Variants in SNX29 observed in about 807,000 individuals in gnomAD.
SNX29 encodes the protein sorting nexin-29.
Under a neutral mutation model 102.1 loss-of-function variants are expected in SNX29, and 78 were observed. The ratio of observed to expected loss-of-function variants is 0.76; its 90% CI spans 0.64 to 0.92. The LOEUF (loss-of-function observed/expected upper bound fraction) is 0.92, where lower values mean the gene tolerates loss of function less well. Among genes scored for constraint, SNX29 ranks in the 40% least tolerant of loss-of-function variants. The pLI, the probability that SNX29 is intolerant of heterozygous loss-of-function variation, is 0.00. For synonymous variants in SNX29, 580 were observed against 414.5 expected (o/e 1.40, Z -4.85); for missense variants, 1,280 against 1,061.7 (o/e 1.21, Z -2.86).
chr16:12,064,209 C>T (rs1023049340), intron 9 of SNX29, among the ~76,000 whole-genome samples: 3 of 152,032 alleles, frequency 2.0e-5, no homozygotes, highest in African/African-American at 7.2e-5. Context: ...ATCAGACATC[C>T]GGGTCAGCTC....
chr16:12,225,794 CAT>C (rs1263720206), intron 14 of SNX29, among the ~76,000 whole-genome samples: 1 of 151,106 alleles, frequency 6.6e-6, no homozygotes, highest in East Asian at 1.9e-4. Flanking sequence ...TGTTCTTCCT[CAT>C]GTGTTAAAAA....
At chr16:11,983,235 A>ATTTTTTTTTTT (rs557542669) in intron 1 of SNX29, among the ~76,000 whole-genome samples, 2 of 129,622 alleles carry the variant, frequency 1.5e-5, no homozygotes, top group African/African-American at 6.0e-5. Flanking sequence ...CTGGGTTACA[A>ATTTTTTTTTTT]TTTTTTTTTT....
intron 20 of SNX29, among the ~76,000 whole-genome samples, chr16:12,525,455 C>T (rs2076753622): frequency 1.3e-5 from 2 of 151,984 alleles, no homozygotes; most frequent in Non-Finnish European, 2.9e-5. Flanking sequence ...GGTGGATCAC[C>T]TGAGGTCGGG....
In SNX29 at chr16:12,556,913, C is replaced by T. The variant is rs563825775; in HGVS notation, c.2319-11593C>T. 5.5e-5 allele frequency among the ~76,000 whole-genome samples: 8 copies of T among 145,366 alleles called. No individual in the cohort carries two copies. The South Asian group carries it at 1.8e-3, about 33-fold the overall frequency. ...TGTCTCCTCACCTTGAGTGTAGTGG[C>T]ATGATCTCGGCTCACTACAGCCTCT... On this transcript the variant is annotated intron_variant, in intron 20 of 20. Transcript: ENST00000566228.
At chr16:12,478,829 T>C (rs776215251) in intron 19 of SNX29, among the ~76,000 whole-genome samples, 2 of 152,132 alleles carry the variant, frequency 1.3e-5, no homozygotes, top group Non-Finnish European at 2.9e-5. Flanking sequence ...GGCCTGGGCA[T>C]GGAGGGGATG....
At chr16:12,426,917 C>T (rs560671235) in intron 18 of SNX29, among the ~76,000 whole-genome samples, 76 of 152,244 alleles carry the variant, frequency 5.0e-4, no homozygotes, top group African/African-American at 1.6e-3. Context: ...CCACCTGCCT[C>T]GGCCTCCCAA....
intron 13 of SNX29, among the ~76,000 whole-genome samples, chr16:12,147,409 C>T (rs747001938): frequency 1.3e-5 from 2 of 152,170 alleles, no homozygotes; most frequent in African/African-American, 4.8e-5. Flanking sequence ...AATTATTCAC[C>T]GGGGAGGGAA....
chr16:12,399,618 G>T (rs2151496609), intron 17 of SNX29, among the ~76,000 whole-genome samples: 1 of 152,302 alleles, frequency 6.6e-6, no homozygotes, highest in Non-Finnish European at 1.5e-5. Context: ...TTCCTAATTT[G>T]TGAGGCGAAG....
At chr16:12,553,123 C>G (rs778537731) in intron 20 of SNX29, among the ~76,000 whole-genome samples, 1 of 151,248 alleles carries the variant, frequency 6.6e-6, no homozygotes, top group Non-Finnish European at 1.5e-5. Context: ...CTGGGAGGGC[C>G]TTGGGCTTCT....
intron 16 of SNX29, 31 bp downstream of exon 16, chr16:12,356,310 C>T: frequency 6.5e-7 from 1 of 1,544,022 alleles, no homozygotes; most frequent in Non-Finnish European, 8.8e-7. Context: ...GTGTGTCTGT[C>T]AAGCCTCTGC....
intron 20 of SNX29, among the ~76,000 whole-genome samples, chr16:12,544,466 A>G (rs773520953): frequency 5.9e-5 from 9 of 152,126 alleles, no homozygotes; most frequent in Non-Finnish European, 1.2e-4. Flanking sequence ...CATTCTGAAG[A>G]GGCCGATTTT....
intron 15 of SNX29, among the ~76,000 whole-genome samples, chr16:12,315,170 C>G (rs1252059763): frequency 6.6e-6 from 1 of 152,156 alleles, no homozygotes; most frequent in Non-Finnish European, 1.5e-5. Context: ...GACTGTGAAG[C>G]AGAAGAAGAG....
intron 19 of SNX29, among the ~76,000 whole-genome samples, chr16:12,484,704 C>G (rs189505141): frequency 1.4e-4 from 21 of 152,302 alleles, no homozygotes; most frequent in Non-Finnish European, 2.1e-4. Context: ...CCTACATGGA[C>G]GGCTCCTCCC....
At position 12,297,606 on chromosome 16, in the gene SNX29, A is replaced by C. The variant is rs566935525; in HGVS notation, c.1782+19570A>C. Among the ~76,000 whole-genome samples the C allele has an allele frequency of 5.9e-5, 9 of 152,238 alleles. No homozygotes were observed. In the East Asian group the frequency reaches 1.7e-3, roughly 30 times the overall value. ...GTGTTATAAAGATCACAGAGTTAAA[A>C]AATGATAACCGTGGGTGGTGATGGA... On this transcript the variant is annotated intron_variant, in intron 15 of 20. Transcript: ENST00000566228.
In SNX29 at chr16:12,507,258, G is replaced by A. The variant is rs1193637364; in HGVS notation, c.2179-17444G>A. Among the ~76,000 whole-genome samples the A allele has an allele frequency of 6.6e-5, 10 of 152,300 alleles. No individual in the cohort carries two copies. The South Asian group carries it at 1.2e-3, about 19-fold the overall frequency. On this transcript the variant is annotated intron_variant, in intron 19 of 20. Transcript: ENST00000566228. ...CCCATCACATCAAAGCACTTAGCAC[G>A]GTGCCTGGCATTGAGCAGGCCCTCA...
At chr16:12,355,430 T>C (rs1470143717) in intron 15 of SNX29, among the ~76,000 whole-genome samples, 2 of 152,124 alleles carry the variant, frequency 1.3e-5, no homozygotes, top group African/African-American at 4.8e-5. Flanking sequence ...AGGTGAGTCC[T>C]GGGGCGTTGG....
intron 20 of SNX29, among the ~76,000 whole-genome samples, chr16:12,540,553 A>C (rs905959603): frequency 1.3e-5 from 2 of 152,216 alleles, no homozygotes; most frequent in African/African-American, 2.4e-5. Flanking sequence ...CAGCCACCCT[A>C]TGCCATGGCC....
intron 18 of SNX29, among the ~76,000 whole-genome samples, chr16:12,444,705 C>A (rs533185165): frequency 2.0e-5 from 3 of 152,308 alleles, no homozygotes; most frequent in South Asian, 4.1e-4. Context: ...ACAGGTCCTT[C>A]CCTCTGTCTC....
intron 14 of SNX29, among the ~76,000 whole-genome samples, chr16:12,218,479 C>T (rs764917493): frequency 8.5e-5 from 13 of 152,208 alleles, no homozygotes; most frequent in Non-Finnish European, 1.8e-4. Context: ...TTTCCATCTC[C>T]GCTTTTGAGC....
Sources: allele counts gnomAD v4.1 joint callset (sites outside exome capture counted in the v4.1 genomes callset), GRCh38; gene constraint gnomAD v4.1.1; transcripts MANE v1.5; gene names NCBI Gene and HGNC (gene_info 2026-07-23, HGNC 2026-07-21).